The following FBRSL1 variants were observed in gnomAD, a reference collection of about 807,000 sequenced individuals.
The protein encoded by FBRSL1 is fibrosin like 1.
Under a neutral mutation model 89.6 loss-of-function variants are expected in FBRSL1, and 51 were observed. The observed-to-expected ratio is 0.57, with a 90% CI of 0.45 to 0.72. FBRSL1 has a LOEUF of 0.72. FBRSL1 is among the 30% of genes least tolerant of loss of function. The pLI is 0.00. For synonymous variants in FBRSL1, 779 were observed against 681.1 expected (o/e 1.14, Z -2.24); for missense variants, 1,618 against 1,451.8 (o/e 1.11, Z -1.86).
At position 132,508,657 on chromosome 12, in the gene FBRSL1, C is replaced by A. The variant is rs779138574; in HGVS notation, c.489+307C>A. On this transcript the variant is annotated intron_variant, in intron 2 of 18. Transcript: ENST00000680143. ...TGATAGGCCGGCCCCGTTTCCCTGC[C>A]GTGTCCATCAGGCTCCGCCGACTAC... is the stretch of plus-strand genomic sequence containing the variant. 2.0e-5 allele frequency among the ~76,000 whole-genome samples: 3 copies of A among 152,348 alleles called. No homozygotes were observed. In the South Asian group the frequency reaches 6.2e-4, roughly 32 times the overall value.
chr12:132,507,934 G>C (rs926547998), intron 1 of FBRSL1, among the ~76,000 whole-genome samples: 8 of 152,240 alleles, frequency 5.3e-5, no homozygotes, highest in Admixed American at 5.2e-4. Context: ...CGATGGCTGA[G>C]CCCTGGGAAA....
chr12:132,501,198 A>G (rs2032907505), intron 1 of FBRSL1, among the ~76,000 whole-genome samples: 1 of 151,298 alleles, frequency 6.6e-6, no homozygotes. Flanking sequence ...GGTCCTGTTC[A>G]CTCTGGGAGC....
intron 11 of FBRSL1, among the ~76,000 whole-genome samples, chr12:132,573,517 C>T (rs541799531): frequency 3.9e-5 from 6 of 152,276 alleles, no homozygotes; most frequent in South Asian, 2.1e-4. Flanking sequence ...GACTGGGACT[C>T]GGGGGTACTG....
rs764329649 is a variant in FBRSL1, at chr12:132,583,372, CCGCCCCCGCCCCGGG to C, written c.2605_2619del (p.Ala869_Gly873del). 9.9e-5 allele frequency: 109 copies of C among 1,100,048 alleles called. 2 individuals are homozygous for C. The South Asian group carries it at 3.2e-3, about 32-fold the overall frequency. The allele number at this position is 1,100,048 out of a possible 1,614,324, so 68.1% of individuals were successfully genotyped here. A position where few individuals can be genotyped will look rare whatever the true frequency, so the allele number is the denominator to read the frequency against. On this transcript the variant is annotated inframe_deletion, in exon 19 of 19. Transcript: ENST00000680143. ...CTGCCACGTCGCGCCTTCCCCGCTGCCGCCCCCGCCCCGGGCTCCGCCGCCCTCTTGGAGCCCCCG... is the reference window on the plus strand; with the variant it reads ...CTGCCACGTCGCGCCTTCCCCGCTGCCTCCGCCGCCCTCTTGGAGCCCCCG...
chr12:132,507,441 C>T, intron 1 of FBRSL1: 2 of 984,934 alleles, frequency 2.0e-6, no homozygotes, highest in Non-Finnish European at 2.4e-6. Context: ...GAACCTGGGG[C>T]TGCCCGATGT....
At chr12:132,567,364 C>A in intron 5 of FBRSL1, 117 bp from the exon 6 acceptor site, 1 of 951,936 alleles carries the variant, frequency 1.1e-6, no homozygotes, top group Non-Finnish European at 1.6e-6. Flanking sequence ...TCCACAAGGG[C>A]ACATCCCGCC....
At chr12:132,516,737 C>T (rs1342009249) in intron 2 of FBRSL1, among the ~76,000 whole-genome samples, 2 of 152,138 alleles carry the variant, frequency 1.3e-5, no homozygotes, top group African/African-American at 4.8e-5. Flanking sequence ...AATAACTTGC[C>T]CAAGGTTCAC....
Position 132,525,775 on chromosome 12 carries a change from C to A in FBRSL1, c.531C>A (p.Asp177Glu), listed in dbSNP as rs370744016. Residue 177 changes from aspartate to glutamate, a missense_variant, in exon 3 of 19, where the codon GAC (aspartate) becomes GAA (glutamate). By Grantham distance (45) the Asp-to-Glu change is conservative. Transcript: ENST00000680143. ...CCAAAGGGGGCGACCGGGACAGTGA[C>A]GACGACAGCGTCCTCGAAGCCACCA... ...TVSKGGDRDS[D>E]DDSVLEATSS... The A allele has an allele frequency of 6.5e-7, 1 of 1,549,910 alleles. No individual in the cohort carries two copies. Among genetic ancestry groups the A allele is most frequent in the East Asian group, 2.4e-5 (1 of 40,898 alleles).
intron 4 of FBRSL1, among the ~76,000 whole-genome samples, chr12:132,532,919 C>A (rs2036410771): frequency 6.6e-6 from 1 of 152,202 alleles, no homozygotes; most frequent in African/African-American, 2.4e-5. Context: ...CCGCTGGGGT[C>A]CCGCTGCCCT....
chr12:132,575,235 T>C (rs1239900995), intron 14 of FBRSL1, among the ~76,000 whole-genome samples: 1 of 142,592 alleles, frequency 7.0e-6, no homozygotes, highest in African/African-American at 2.8e-5. Flanking sequence ...TGTATGTCTT[T>C]CTTTTTTTTT....
At chr12:132,556,471 G>A (rs1377806769) in intron 5 of FBRSL1, among the ~76,000 whole-genome samples, 1 of 151,928 alleles carries the variant, frequency 6.6e-6, no homozygotes, top group Non-Finnish European at 1.5e-5. Context: ...CCTGTGGGAC[G>A]CTCCTCTCCA....
At position 132,572,153 on chromosome 12, in the gene FBRSL1, G is replaced by C. The variant is rs1341297103; in HGVS notation, c.1378-135G>C. 16 of 737,534 alleles carry C rather than the reference G, an allele frequency of 2.2e-5. No homozygotes were observed. In the South Asian group the frequency reaches 2.5e-4, roughly 11 times the overall value. The allele number at this position is 737,534 out of a possible 1,614,324, so 45.7% of individuals were successfully genotyped here. A position where few individuals can be genotyped will look rare whatever the true frequency, so the allele number is the denominator to read the frequency against. On this transcript the variant is annotated intron_variant, in intron 9 of 18. Coordinates refer to ENST00000680143, the MANE Select transcript of FBRSL1 (RefSeq NM_001367871.1). The stretch of plus-strand genomic sequence containing the variant: ...CTGGCGCTCTAGAGGAGCCTGGGAC[G>C]GCTGGCCGAAGCCGCCAGCCTCAGG...
At chr12:132,567,826 G>A (rs759275180) in intron 6 of FBRSL1, among the ~76,000 whole-genome samples, 1 of 152,172 alleles carries the variant, frequency 6.6e-6, no homozygotes, top group African/African-American at 2.4e-5. Context: ...TCAGATGCTC[G>A]GTACTGAAGG....
In FBRSL1 at chr12:132,574,489, G is replaced by A. The variant is rs751875705; in HGVS notation, c.1630-4G>A. The A allele has an allele frequency of 1.4e-5, 22 of 1,549,960 alleles. No homozygotes were observed. The highest frequency in any genetic ancestry group is 1.1e-4 in the South Asian group (9 of 83,960). ...CCCCACTGAGCGCTTCCATCCTGTC[G>A]CAGAAGCCGGGGAGGTGGTGTGCCG... On this transcript the variant is annotated splice_region_variant and splice_polypyrimidine_tract_variant and intron_variant, in intron 13 of 18. Transcript: ENST00000680143.
intron 14 of FBRSL1, among the ~76,000 whole-genome samples, chr12:132,576,435 C>T (rs1028494637): frequency 3.3e-5 from 5 of 152,112 alleles, no homozygotes; most frequent in Admixed American, 6.5e-5. Flanking sequence ...TCAGGTGATC[C>T]GCCCGTATCA....
In FBRSL1 at chr12:132,499,508, G is replaced by A. The variant is rs2032615033; in HGVS notation, c.292-8645G>A. ...CCCCATTGCCAGTGAGTATTGGGAT[G>A]GCAGTAAAGAGTCTGTCGTCGAAGG... On this transcript the variant is annotated intron_variant, in intron 1 of 18. Transcript: ENST00000680143. This position sits in a 1 kb window ranked among gnomAD's most constrained non-coding sequence, Gnocchi z 4.3. 6.6e-6 allele frequency among the ~76,000 whole-genome samples: 1 copy of A among 152,254 alleles called. No homozygotes were observed. The highest frequency in any genetic ancestry group is 2.1e-4 in the South Asian group (1 of 4,836).
intron 2 of FBRSL1, among the ~76,000 whole-genome samples, chr12:132,523,455 A>AT (rs1199261587): frequency 6.6e-6 from 1 of 151,748 alleles, no homozygotes. Flanking sequence ...CCTCTGTGGC[A>AT]TGGGGGTGAC....
chr12:132,527,010 C>T (rs1276363051), intron 3 of FBRSL1, among the ~76,000 whole-genome samples: 1 of 152,076 alleles, frequency 6.6e-6, no homozygotes, highest in East Asian at 1.9e-4. Flanking sequence ...GGGATCCCCA[C>T]CAGAGGTGTG....
In FBRSL1 at chr12:132,584,853, A is replaced by ACACACACAC. The variant is rs1566264648; in HGVS notation, c.*1075_*1076insCACACACAC. 7.5e-6 allele frequency: 1 copy of ACACACACAC among 133,874 alleles called. No individual in the cohort carries two copies. Among genetic ancestry groups the ACACACACAC allele is most frequent in the African/African-American group, 3.0e-5 (1 of 33,354 alleles). The allele number at this position is 133,874 out of a possible 1,614,324, so 8.3% of individuals were successfully genotyped here. On this transcript the variant is annotated 3_prime_UTR_variant, in exon 19 of 19. Transcript: ENST00000680143. ...ACACACACACACACACACACACACA[A>ACACACACAC]AATCACTGCTGTGTGTTTTCTTCCG...
Sources: allele counts gnomAD v4.1 joint callset (sites outside exome capture counted in the v4.1 genomes callset), GRCh38; gene constraint gnomAD v4.1.1; non-coding constraint Gnocchi (gnomAD v3.1); transcripts MANE v1.5; gene names NCBI Gene and HGNC (gene_info 2026-07-23, HGNC 2026-07-21).